MACROD2: variants seen among roughly 807,000 people sequenced by gnomAD.
The protein encoded by MACROD2 is ADP-ribose glycohydrolase MACROD2.
Under a neutral mutation model 70.4 loss-of-function variants are expected in MACROD2, and 36 were observed. The observed-to-expected ratio is 0.51, with a 90% CI of 0.39 to 0.68. The LOEUF (loss-of-function observed/expected upper bound fraction) is 0.68. MACROD2 is among the 30% of genes least tolerant of loss of function. The pLI, the probability that MACROD2 is intolerant of heterozygous loss-of-function variation, is 0.00. For synonymous variants in MACROD2, 172 were observed against 178.8 expected, an observed-to-expected ratio of 0.96 and a Z score of 0.30; for missense variants, 496 against 538.4, an observed-to-expected ratio of 0.92 and a Z score of 0.78.
At chr20:15,420,916 G>A (rs922816159) in intron 6 of MACROD2, among the ~76,000 whole-genome samples, 8 of 151,900 alleles carry the variant, frequency 5.3e-5, no homozygotes, top group African/African-American at 1.7e-4. Flanking sequence ...TGAGACCCTC[G>A]TCTTTCCGAA....
intron 8 of MACROD2, among the ~76,000 whole-genome samples, chr20:15,559,360 T>C (rs943319926): frequency 6.6e-6 from 1 of 151,564 alleles, no homozygotes; most frequent in Non-Finnish European, 1.5e-5. Flanking sequence ...ATTAAATCAA[T>C]CTCTGGAGTA....
intron 7 of MACROD2, among the ~76,000 whole-genome samples, chr20:15,451,113 G>T (rs763271082): frequency 3.4e-4 from 51 of 152,116 alleles, no homozygotes; most frequent in Non-Finnish European, 6.5e-4. Flanking sequence ...GTGAAATTTT[G>T]TATTGTCTTT....
chr20:15,561,631 G>A (rs73258984), intron 8 of MACROD2, among the ~76,000 whole-genome samples: 2,362 of 152,190 alleles, frequency 0.016, 46 homozygotes, highest in African/African-American at 0.054. Flanking sequence ...GAATGAATGA[G>A]AGAGATGAAA....
At chr20:15,429,622 A>G (rs149683957) in intron 6 of MACROD2, among the ~76,000 whole-genome samples, 99 of 152,250 alleles carry the variant, frequency 6.5e-4, no homozygotes, top group African/African-American at 2.4e-3. Flanking sequence ...TAGCCAAAAG[A>G]TATAAACAAA....
intron 3 of MACROD2, among the ~76,000 whole-genome samples, chr20:14,463,397 CTT>C (rs1332580116): frequency 6.6e-6 from 1 of 151,986 alleles, no homozygotes; most frequent in Non-Finnish European, 1.5e-5. Flanking sequence ...TATCCTGAGA[CTT>C]TGCTGAAGTT....
intron 5 of MACROD2, among the ~76,000 whole-genome samples, chr20:14,872,347 C>A (rs1400655122): frequency 6.6e-6 from 1 of 152,006 alleles, no homozygotes; most frequent in Non-Finnish European, 1.5e-5. Flanking sequence ...ATTGCTATTG[C>A]CAAGTTCTGG....
chr20:14,387,299 C>T lies in MACROD2; in HGVS notation c.272-106180C>T, dbSNP rs528304768. Among the ~76,000 whole-genome samples, 41 of 152,308 alleles carry T rather than the reference C, an allele frequency of 2.7e-4. No individual in the cohort carries two copies. In the South Asian group the frequency reaches 4.1e-3, roughly 15 times the overall value. On this transcript the variant is annotated intron_variant, in intron 3 of 17. Coordinates refer to ENST00000684519, the MANE Select transcript of MACROD2 (RefSeq NM_001351661.2). ...AGTAAGTGTGGAAATTCTTCCCCCT[C>T]TCCAAGGATTGCTGTTGTTAACTTG...
intron 8 of MACROD2, among the ~76,000 whole-genome samples, chr20:15,801,014 A>G (rs1361569593): frequency 6.7e-6 from 1 of 150,326 alleles, no homozygotes; most frequent in Admixed American, 6.6e-5. Flanking sequence ...AGTCATCGCC[A>G]CTCCCTAATC....
At chr20:14,785,392 C>G (rs144211609) in intron 5 of MACROD2, among the ~76,000 whole-genome samples, 53 of 151,936 alleles carry the variant, frequency 3.5e-4, no homozygotes, top group African/African-American at 1.1e-3. Flanking sequence ...AAAAAAAAAG[C>G]CTTTAATGGG....
At chr20:14,507,762 T>C (rs2084985489) in intron 4 of MACROD2, among the ~76,000 whole-genome samples, 1 of 152,160 alleles carries the variant, frequency 6.6e-6, no homozygotes, top group Non-Finnish European at 1.5e-5. Flanking sequence ...GCCATAAGGA[T>C]GGTGGCCCAT....
chr20:15,546,102 A>C (rs1568882880), intron 8 of MACROD2, among the ~76,000 whole-genome samples: 2 of 152,160 alleles, frequency 1.3e-5, no homozygotes, highest in Non-Finnish European at 2.9e-5. Context: ...AAAATTAGCC[A>C]AGCGTGGTGA....
intron 8 of MACROD2, among the ~76,000 whole-genome samples, chr20:15,594,623 T>TG (rs2048723216): frequency 6.6e-6 from 1 of 152,226 alleles, no homozygotes; most frequent in South Asian, 2.1e-4. Context: ...GTGAGACTAA[T>TG]GACTCTTATC....
At chr20:14,714,312 A>G (rs1447465700) in intron 5 of MACROD2, among the ~76,000 whole-genome samples, 3 of 151,936 alleles carry the variant, frequency 2.0e-5, no homozygotes, top group Non-Finnish European at 4.4e-5. Flanking sequence ...TACCATGTGC[A>G]CCTCTCACCA....
At chr20:15,121,490 G>C (rs1473231649) in intron 5 of MACROD2, among the ~76,000 whole-genome samples, 1 of 133,610 alleles carries the variant, frequency 7.5e-6, no homozygotes, top group Non-Finnish European at 1.5e-5. Context: ...TCCAGCCTAG[G>C]CAACAAGAGT....
At position 14,180,982 on chromosome 20, in the gene MACROD2, A is replaced by T. The variant is rs2081300580; in HGVS notation, c.271+95254A>T. Among the ~76,000 whole-genome samples the T allele has an allele frequency of 2.0e-5, 3 of 152,004 alleles. No homozygotes were observed. In the South Asian group the frequency reaches 6.2e-4, roughly 32 times the overall value. On this transcript the variant is annotated intron_variant, in intron 3 of 17. Transcript: ENST00000684519. ...ACATGTATTCACTATCTGAAAATTT[A>T]TACAGAAAGATTGCTTATCTTTCTA...
At chr20:14,301,684 A>G (rs1202716260) in intron 3 of MACROD2, among the ~76,000 whole-genome samples, 4 of 152,174 alleles carry the variant, frequency 2.6e-5, no homozygotes, top group African/African-American at 9.7e-5. Flanking sequence ...TTTTTATTCT[A>G]CCAATGATTT....
At chr20:14,996,581 T>C (rs933174501) in intron 5 of MACROD2, among the ~76,000 whole-genome samples, 5 of 152,146 alleles carry the variant, frequency 3.3e-5, no homozygotes, top group African/African-American at 1.2e-4. Context: ...TTTAACATCA[T>C]ATCAAGGGAA....
chr20:15,603,684 T>A (rs6034226), intron 8 of MACROD2, among the ~76,000 whole-genome samples: 10,631 of 151,984 alleles, frequency 0.07, 1,164 homozygotes, highest in African/African-American at 0.24. Flanking sequence ...AAGCCAGTTT[T>A]TCCAGTATTG....
chr20:15,727,756 T>C (rs1357226047), intron 8 of MACROD2, among the ~76,000 whole-genome samples: 1 of 152,144 alleles, frequency 6.6e-6, no homozygotes, highest in African/African-American at 2.4e-5. Flanking sequence ...TGTTGGTATA[T>C]AGAAATGCTA....
Sources: allele counts gnomAD v4.1 joint callset (sites outside exome capture counted in the v4.1 genomes callset), GRCh38; gene constraint gnomAD v4.1.1; transcripts MANE v1.5; gene names NCBI Gene and HGNC (gene_info 2026-07-23, HGNC 2026-07-21).